SNRK: variants seen among roughly 807,000 people sequenced by gnomAD.
SNRK encodes SNF-related serine/threonine-protein kinase.
SNRK carries 3 observed loss-of-function variants against 48.2 expected under a neutral mutation model. The observed-to-expected ratio is 0.06, with a 90% CI of 0.03 to 0.16. The LOEUF (loss-of-function observed/expected upper bound fraction) is 0.16. Among genes scored for constraint, SNRK ranks in the 10% least tolerant of loss-of-function variants. The probability of loss-of-function intolerance (pLI) is 1.00; values close to 1 mark genes in which losing one functional copy is unlikely to be tolerated. For missense variants in SNRK, 627 were observed against 976.0 expected (o/e 0.64, Z 4.76); for synonymous variants, 376 against 366.1 (o/e 1.03, Z -0.31).
intron 1 of SNRK, among the ~76,000 whole-genome samples, chr3:43,294,240 A>G (rs1286699886): frequency 6.6e-6 from 1 of 152,218 alleles, no homozygotes. Context: ...CTTTTGAGAC[A>G]GATTGAGTAT....
chr3:43,331,861 G>A (rs2091148966), intron 3 of SNRK, among the ~76,000 whole-genome samples: 1 of 152,176 alleles, frequency 6.6e-6, no homozygotes, highest in African/African-American at 2.4e-5. Flanking sequence ...ATAGCAGTGT[G>A]TTGTCTGTTG....
chr3:43,305,641 GC>G (rs1040504866), intron 3 of SNRK, among the ~76,000 whole-genome samples: 67 of 151,610 alleles, frequency 4.4e-4, no homozygotes, highest in African/African-American at 1.4e-3. Flanking sequence ...CTGCCACCAC[GC>G]CTAGCTAATT....
chr3:43,299,277 A>G (rs1026215981), intron 1 of SNRK, among the ~76,000 whole-genome samples: 2 of 152,164 alleles, frequency 1.3e-5, no homozygotes, highest in Non-Finnish European at 2.9e-5. Context: ...TCCTGGGTTC[A>G]AGCAAGTCTC....
intron 3 of SNRK, among the ~76,000 whole-genome samples, chr3:43,327,915 CTTCA>C (rs368087385): frequency 6.6e-6 from 1 of 150,772 alleles, no homozygotes; most frequent in African/African-American, 2.4e-5. Context: ...TTATGAAAAA[CTTCA>C]TTATCTCTTT....
rs181933987 is a variant in SNRK at position 43,318,135 on chromosome 3, C to T, written c.590-14034C>T. Among the ~76,000 whole-genome samples the T allele has an allele frequency of 2.9e-3, 443 of 152,130 alleles. 1 individual carries two copies. Among genetic ancestry groups the T allele is most frequent in the African/African-American group, 0.01 (425 of 41,494 alleles). On this transcript the variant is annotated intron_variant, in intron 3 of 6. Coordinates refer to ENST00000296088, the MANE Select transcript of SNRK (RefSeq NM_017719.5). ...TTCTCAATGTGGGAGGAAGAGTATC[C>T]GAGGTACCCTTGTCCCCTTTGGAAA...
intron 3 of SNRK, among the ~76,000 whole-genome samples, chr3:43,326,804 C>T (rs964798771): frequency 6.6e-6 from 1 of 152,068 alleles, no homozygotes; most frequent in Non-Finnish European, 1.5e-5. Context: ...TTTTTGAAGT[C>T]CCCAAGGGAC....
chr3:43,298,875 T>C (rs549255235), intron 1 of SNRK, among the ~76,000 whole-genome samples: 3 of 152,328 alleles, frequency 2.0e-5, no homozygotes, highest in Admixed American at 1.3e-4. Context: ...ATGAAGGTGC[T>C]TTGTGTGATC....
chr3:43,340,534 G>A, intron 5 of SNRK, 35 bp downstream of exon 5: 2 of 1,581,840 alleles, frequency 1.3e-6, no homozygotes, highest in Non-Finnish European at 1.7e-6. Context: ...AGGGCCACAG[G>A]TTTAGGATTC....
chr3:43,333,935 C>A (rs1169099925), intron 4 of SNRK, among the ~76,000 whole-genome samples: 1 of 152,078 alleles, frequency 6.6e-6, no homozygotes, highest in African/African-American at 2.4e-5. Context: ...ATCACAAGAT[C>A]AGGAGTTCGA....
chr3:43,327,307 A>G (rs1479245145), intron 3 of SNRK, among the ~76,000 whole-genome samples: 1 of 152,238 alleles, frequency 6.6e-6, no homozygotes, highest in African/African-American at 2.4e-5. Context: ...AGTACTTGCT[A>G]TTCTAAGAAA....
At chr3:43,288,204 T>C (rs531490295) in intron 1 of SNRK, among the ~76,000 whole-genome samples, 2 of 152,336 alleles carry the variant, frequency 1.3e-5, no homozygotes, top group East Asian at 3.9e-4. Context: ...CCTGAAGGCT[T>C]TTCAGGCAGG....
At chr3:43,293,418 A>G (rs1559457765) in intron 1 of SNRK, among the ~76,000 whole-genome samples, 4 of 152,202 alleles carry the variant, frequency 2.6e-5, no homozygotes, top group African/African-American at 9.7e-5. Flanking sequence ...GGAAAAGTAA[A>G]TGGAATGAAT....
chr3:43,313,687 A>G (rs1211538657), intron 3 of SNRK, among the ~76,000 whole-genome samples: 1 of 152,210 alleles, frequency 6.6e-6, no homozygotes, highest in Non-Finnish European at 1.5e-5. Flanking sequence ...ATGTGAAATG[A>G]TGAAATCTGA....
At chr3:43,332,370 T>A (rs2091152682) in intron 4 of SNRK, 60 bp downstream of exon 4, 2 of 1,229,292 alleles carry the variant, frequency 1.6e-6, no homozygotes, top group Non-Finnish European at 2.1e-6. Context: ...GAAGTTTTAA[T>A]TCCATTAATA....
intron 1 of SNRK, among the ~76,000 whole-genome samples, chr3:43,295,450 C>T (rs531657173): frequency 6.6e-6 from 1 of 152,302 alleles, no homozygotes; most frequent in African/African-American, 2.4e-5. Flanking sequence ...GCTACCTTGT[C>T]TTGGAAAATG....
chr3:43,300,410 T>C (rs2090890023), intron 2 of SNRK, among the ~76,000 whole-genome samples: 2 of 152,142 alleles, frequency 1.3e-5, no homozygotes, highest in Admixed American at 6.5e-5. Context: ...ATATGTCACT[T>C]TCCAGGAACA....
intron 5 of SNRK, among the ~76,000 whole-genome samples, chr3:43,341,292 A>AG (rs1276937948): frequency 2.0e-5 from 3 of 152,074 alleles, no homozygotes; most frequent in African/African-American, 7.2e-5. Context: ...CTGGGACTAC[A>AG]GGTGCCTGCA....
chr3:43,344,202 T>C (rs975366498), intron 6 of SNRK, among the ~76,000 whole-genome samples: 13 of 151,370 alleles, frequency 8.6e-5, no homozygotes, highest in Non-Finnish European at 1.9e-4. Context: ...TCTAACCCCC[T>C]CTCTCCTCCT....
Position 43,303,548 on chromosome 3 carries a change from G to A in SNRK, c.345G>A (p.Leu115=). ...MKHEEGLNED[L]AKKYFAQIVH... is the part of the protein sequence containing the mutation. Reference sequence around the variant, plus strand: ...ATGAGGAGGGTCTTAATGAAGACTTGGCCAAGAAGTATTTTGCTCAGATAG... The same window carrying A: ...ATGAGGAGGGTCTTAATGAAGACTTAGCCAAGAAGTATTTTGCTCAGATAG... The change falls in exon 3 of 7, where the codon TTG becomes TTA. Residue 115 remains leucine (L), a synonymous_variant. Coordinates refer to ENST00000296088, the MANE Select transcript of SNRK (RefSeq NM_017719.5). The surrounding 1 kb of genome is among the most constrained non-coding windows in gnomAD (Gnocchi z 6.2). The A allele has an allele frequency of 6.2e-7, 1 of 1,614,052 alleles. No homozygotes were observed. Among genetic ancestry groups the A allele is most frequent in the Non-Finnish European group, 8.5e-7 (1 of 1,180,006 alleles).
Sources: gnomAD v4.1 joint callset for allele counts (sites outside exome capture counted in the v4.1 genomes callset) on GRCh38, gnomAD v4.1.1 for gene constraint, Gnocchi (gnomAD v3.1) non-coding constraint, MANE v1.5 for transcripts, NCBI Gene and HGNC (gene_info 2026-07-23, HGNC 2026-07-21) for gene names.